The following PLEKHG5 variants were observed in gnomAD, a reference collection of about 807,000 sequenced individuals.
PLEKHG5 encodes pleckstrin homology and RhoGEF domain containing G5.
In PLEKHG5, 52 loss-of-function variants were observed where a neutral mutation model predicts 103.8. The ratio of observed to expected loss-of-function variants is 0.50; its 90% CI spans 0.40 to 0.63. The LOEUF (loss-of-function observed/expected upper bound fraction) is 0.63. Ranked by LOEUF, PLEKHG5 falls within the 30% of genes least tolerant of loss-of-function variation. The probability of loss-of-function intolerance (pLI) is 0.00; values close to 1 mark genes in which losing one functional copy is unlikely to be tolerated. For missense variants in PLEKHG5, 1,205 were observed against 1,347.6 expected (o/e 0.89, Z 1.66); for synonymous variants, 592 against 575.5 (o/e 1.03, Z -0.41).
chr1:6,496,504 G>A (rs373594469), upstream of PLEKHG5: 254 of 1,602,618 alleles, frequency 1.6e-4, 1 homozygote, highest in Admixed American at 4.7e-4. Flanking sequence ...TTGGCCGCCC[G>A]CCCCTTGTCC....
In PLEKHG5 at chr1:6,490,671, C is replaced by T; in HGVS notation, c.-88+966G>A. ...TACCAACGGCGCCGCCCGGCTGGGA[C>T]CGGGGAGAGGAGGGGTCCCAGGAAG... On this transcript the variant is annotated intron_variant, in intron 1 of 20. Coordinates refer to ENST00000377728, the MANE Select transcript of PLEKHG5 (RefSeq NM_020631.6). This position sits in a 1 kb window ranked among gnomAD's most constrained non-coding sequence, Gnocchi z 8.0. 1 of 921,666 alleles carries T rather than the reference C, an allele frequency of 1.1e-6. No individual in the cohort carries two copies. Among genetic ancestry groups the T allele is most frequent in the Non-Finnish European group, 1.3e-6 (1 of 772,072 alleles). 57.1% of individuals were successfully genotyped at this position (921,666 alleles called of 1,614,324 possible).
chr1:6,472,186 C>G (rs533143472), intron 10 of PLEKHG5, among the ~76,000 whole-genome samples: 106 of 152,348 alleles, frequency 7.0e-4, no homozygotes, highest in African/African-American at 2.5e-3. Context: ...GCTCCCCTCC[C>G]TGAGCCGAAA....
chr1:6,506,270 C>G (rs1638314602), intron 1 of PLEKHG5: 1 of 152,412 alleles, frequency 6.6e-6, no homozygotes, highest in Admixed American at 6.5e-5. Flanking sequence ...ACCACTGGGG[C>G]TGGCCTCGGC....
At chr1:6,482,897 C>G (rs1166562128) in intron 1 of PLEKHG5, among the ~76,000 whole-genome samples, 1 of 152,122 alleles carries the variant, frequency 6.6e-6, no homozygotes, top group East Asian at 1.9e-4. Context: ...TGAGTAGAGA[C>G]GGGGTTTCAC....
chr1:6,505,771 G>A lies in PLEKHG5; in HGVS notation c.-164-9202C>T, dbSNP rs1172473326. On this transcript the variant is annotated intron_variant, in intron 1 of 21. Transcript: ENST00000377740. The surrounding 1 kb of genome is among the most constrained non-coding windows in gnomAD (Gnocchi z 4.2). ...GCCTGAAGCCCAGTGCAGGGCCCAC[G>A]CTGCCCAGCCAGGCCAGCCCTGGAG... Among the ~76,000 whole-genome samples, 2 of 152,202 alleles carry A rather than the reference G, an allele frequency of 1.3e-5. No homozygotes were observed. The highest frequency in any genetic ancestry group is 2.4e-5 in the African/African-American group (1 of 41,450).
In PLEKHG5 at chr1:6,475,216, C is replaced by T. The variant is rs563617682; in HGVS notation, c.211-78G>A. ...CCCGCCCTCCTCCCCACCCTCCTTC[C>T]CACCCTCCTTCCCAACCCTCCTCCC... On this transcript the variant is annotated intron_variant, in intron 4 of 20. Transcript: ENST00000377728. 100 of 657,636 alleles carry T rather than the reference C, an allele frequency of 1.5e-4. 1 individual carries two copies. In the Admixed American group the frequency reaches 1.9e-3, roughly 12 times the overall value. 40.7% of individuals were successfully genotyped at this position (657,636 alleles called of 1,614,324 possible).
chr1:6,495,811 G>A (rs551288026), upstream of PLEKHG5, among the ~76,000 whole-genome samples: 108 of 152,362 alleles, frequency 7.1e-4, 2 homozygotes, highest in Admixed American at 7.0e-3. Flanking sequence ...TCTTCATCTG[G>A]AAAACGGGGT....
At chr1:6,511,289 C>T (rs1638464430) in intron 1 of PLEKHG5, among the ~76,000 whole-genome samples, 1 of 152,126 alleles carries the variant, frequency 6.6e-6, no homozygotes, top group Non-Finnish European at 1.5e-5. Flanking sequence ...CTCTGATGGG[C>T]CCTGTGCCAG....
chr1:6,475,402 C>T, intron 4 of PLEKHG5, 60 bp downstream of exon 4: 1 of 1,468,788 alleles, frequency 6.8e-7, no homozygotes, highest in Admixed American at 1.7e-5. Context: ...AAGGCCCAGG[C>T]TCGGGGAAGG....
chr1:6,473,979 C>A, intron 7 of PLEKHG5, 34 bp downstream of exon 7: 1 of 1,282,056 alleles, frequency 7.8e-7, no homozygotes, highest in South Asian at 1.3e-5. Flanking sequence ...GGCCCCTTCC[C>A]ACCCCCTCCC....
chr1:6,496,722 C>A (rs1260185340), upstream of PLEKHG5: 3 of 579,150 alleles, frequency 5.2e-6, no homozygotes, highest in African/African-American at 2.0e-5. Flanking sequence ...GCCAACTTAT[C>A]TGCACGGGAA....
chr1:6,472,677 C>T (rs960954630), intron 9 of PLEKHG5, 55 bp from the exon 10 acceptor site: 1 of 1,344,234 alleles, frequency 7.4e-7, no homozygotes, highest in Non-Finnish European at 1.1e-6. Context: ...TTAGGGTGGC[C>T]GGGGAGGATA....
At position 6,490,482 on chromosome 1, in the gene PLEKHG5, G is replaced by A. The variant is rs994539489; in HGVS notation, c.-88+1155C>T. On this transcript the variant is annotated intron_variant, in intron 1 of 20. Transcript: ENST00000377728. This position sits in a 1 kb window ranked among gnomAD's most constrained non-coding sequence, Gnocchi z 8.0. The stretch of plus-strand genomic sequence containing the variant: ...CCAGGGTCTCCTCCCCGGTGTCTAA[G>A]GCTCTAAGGCTCGGGCCGAGACTGC... 4 of 744,846 alleles carry A rather than the reference G, an allele frequency of 5.4e-6. No individual in the cohort carries two copies. Among genetic ancestry groups the A allele is most frequent in the Non-Finnish European group, 6.0e-6 (4 of 667,454 alleles). 46.1% of individuals were successfully genotyped at this position (744,846 alleles called of 1,614,324 possible).
rs767028016 is a variant in PLEKHG5 at position 6,471,561 on chromosome 1, G to A, written c.1208C>T (p.Ala403Val). The A allele has an allele frequency of 1.3e-5, 21 of 1,603,902 alleles. 1 individual carries two copies. The South Asian group carries it at 2.3e-4, about 18-fold the overall frequency. The change falls in exon 12 of 21, where the codon GCG becomes GTG. Residue 403 changes from alanine (A) to valine (V), a missense_variant. Transcript: ENST00000377728. ...LHRRLWASVM[A>V]PVLEKARRTR... ...GCGCCGCGCCTTCTCCAGCACCGGC[G>A]CCATCACGCTAGCCCACAGCCTGCG...
Position 6,468,413 on chromosome 1 carries a change from AC to A in PLEKHG5, c.2422del (p.Val808TrpfsTer32). 6.2e-7 allele frequency: 1 copy of A among 1,612,230 alleles called. No individual in the cohort carries two copies. The highest frequency in any genetic ancestry group is 8.5e-7 in the Non-Finnish European group (1 of 1,179,492). Reference protein sequence around the residue: ...PTSELLPLGPVDGRSCSMDSA... With the variant: ...PTSELLPLGPXDGRSCSMDSA... ...GTCCATGGAGCAGGAGCGGCCGTCC[AC>A]CGGACCCAGGGGCAGCAGCTCACTG... On this transcript the variant is annotated frameshift_variant, in exon 20 of 21. Coordinates refer to ENST00000377728, the MANE Select transcript of PLEKHG5 (RefSeq NM_020631.6). LOFTEE classifies it high-confidence loss of function.
intron 1 of PLEKHG5, among the ~76,000 whole-genome samples, chr1:6,480,514 C>G (rs555895481): frequency 4.3e-4 from 63 of 145,342 alleles, no homozygotes; most frequent in Non-Finnish European, 7.4e-4. Flanking sequence ...AGTGACAGAG[C>G]GAGACTTTGT....
chr1:6,475,639 C>G, intron 3 of PLEKHG5, 117 bp from the exon 4 acceptor site: 1 of 918,564 alleles, frequency 1.1e-6, no homozygotes, highest in South Asian at 1.3e-5. Flanking sequence ...AGGTAACCCG[C>G]GTGGATTCAA....
chr1:6,494,152 C>A (rs1268266823), upstream of PLEKHG5, among the ~76,000 whole-genome samples: 1 of 99,350 alleles, frequency 1.0e-5, no homozygotes, highest in African/African-American at 4.4e-5. Context: ...TTTTTTTAGA[C>A]GGAGTCTTGC....
intron 6 of PLEKHG5, 46 bp from the exon 7 acceptor site, chr1:6,474,210 G>C (rs762771907): frequency 5.0e-6 from 8 of 1,607,390 alleles, no homozygotes; most frequent in Non-Finnish European, 6.8e-6. Context: ...TGGTCTGGTG[G>C]AGGAGGGGGT....
Sources: allele counts gnomAD v4.1 joint callset (sites outside exome capture counted in the v4.1 genomes callset), GRCh38; gene constraint gnomAD v4.1.1; non-coding constraint Gnocchi (gnomAD v3.1); transcripts MANE v1.5; gene names NCBI Gene and HGNC (gene_info 2026-07-23, HGNC 2026-07-21).